MGST2: variants seen among roughly 807,000 people sequenced by gnomAD.
The protein encoded by MGST2 is glutathione peroxidase MGST2.
MGST2 carries 9 observed loss-of-function variants against 16.6 expected under a neutral mutation model. The ratio of observed to expected loss-of-function variants is 0.54; its 90% CI spans 0.33 to 0.95. MGST2 has a LOEUF of 0.95. Among genes scored for constraint, MGST2 ranks in the 40% least tolerant of loss-of-function variants. The pLI is 0.03. For synonymous variants in MGST2, 79 were observed against 68.0 expected (o/e 1.16, Z -0.79); for missense variants, 159 against 175.1 (o/e 0.91, Z 0.52).
chr4:139,694,304 T>C (rs1164454707), intron 2 of MGST2, among the ~76,000 whole-genome samples: 1 of 152,028 alleles, frequency 6.6e-6, no homozygotes, highest in African/African-American at 2.4e-5. Context: ...ATATTAAGTA[T>C]TTAAGCTTTG....
chr4:139,718,413 G>C (rs987833147), intron 5 of MGST2: 2 of 152,386 alleles, frequency 1.3e-5, no homozygotes, highest in Non-Finnish European at 2.9e-5. Context: ...GAGGCAAGGA[G>C]GAATAAAGGC....
At chr4:139,705,778 C>T (rs1360739534), downstream of MGST2, 1 of 152,196 alleles carries the variant, frequency 6.6e-6, no homozygotes, top group African/African-American at 2.4e-5. Context: ...GCTGCATGCC[C>T]TGTGTCATGT....
intron 1 of MGST2, among the ~76,000 whole-genome samples, chr4:139,669,248 GGA>G (rs940167688): frequency 5.9e-5 from 9 of 152,024 alleles, no homozygotes; most frequent in African/African-American, 1.7e-4. Context: ...GGTTTACAAA[GGA>G]GAGAGAGAGT....
the MGST2 span, among the ~76,000 whole-genome samples, chr4:139,753,711 A>T: frequency 6.6e-6 from 1 of 152,194 alleles, no homozygotes; most frequent in African/African-American, 2.4e-5. Context: ...AGTCAAATAG[A>T]TGTTAAACTA....
chr4:139,710,412 A>C (rs1184089590), intron 5 of MGST2, among the ~76,000 whole-genome samples: 2 of 152,248 alleles, frequency 1.3e-5, no homozygotes, highest in Non-Finnish European at 1.5e-5. Flanking sequence ...TGAAAAGAGA[A>C]AGGTATTCCA....
At chr4:139,750,369 C>T in the MGST2 span, among the ~76,000 whole-genome samples, 17 of 152,278 alleles carry the variant, frequency 1.1e-4, no homozygotes, top group Admixed American at 7.8e-4. Flanking sequence ...GCCTCCTAGG[C>T]GGTGGGTCGT....
intron 1 of MGST2, among the ~76,000 whole-genome samples, chr4:139,671,264 C>T (rs1730679153): frequency 6.6e-6 from 1 of 152,062 alleles, no homozygotes; most frequent in South Asian, 2.1e-4. Context: ...TGGGTCTGTT[C>T]AGTTGTTTGG....
intron 5 of MGST2, among the ~76,000 whole-genome samples, chr4:139,728,397 A>C (rs903546844): frequency 2.6e-5 from 4 of 152,202 alleles, no homozygotes; most frequent in Non-Finnish European, 5.9e-5. Context: ...AGGCCCCCAC[A>C]TACATGTGTG....
the MGST2 span, among the ~76,000 whole-genome samples, chr4:139,750,203 C>T: frequency 1.3e-5 from 2 of 152,254 alleles, no homozygotes; most frequent in Admixed American, 1.3e-4. Context: ...GGTTCAGATC[C>T]CCTGGGTGCC....
At chr4:139,687,164 T>G (rs1486577188) in intron 2 of MGST2, among the ~76,000 whole-genome samples, 2 of 152,214 alleles carry the variant, frequency 1.3e-5, no homozygotes, top group African/African-American at 4.8e-5. Flanking sequence ...CAGAGAGTAG[T>G]TAAAAAATGA....
rs1005810096 is a variant in MGST2 at position 139,715,710 on chromosome 4, A to C, written c.*48+11514A>C. ...TCCTGACCTTGCCATGGCATTTGTA[A>C]ACTGTCATGGCACTGGTGGGAGTGT... is the stretch of plus-strand genomic sequence containing the variant. On this transcript the variant is annotated intron_variant, in intron 5 of 5. Transcript: ENST00000616265. This position sits in a 1 kb window ranked among gnomAD's most constrained non-coding sequence, Gnocchi z 4.4. Among the ~76,000 whole-genome samples the C allele has an allele frequency of 1.3e-5, 2 of 152,120 alleles. No individual in the cohort carries two copies. The highest frequency in any genetic ancestry group is 2.9e-5 in the Non-Finnish European group (2 of 67,980).
chr4:139,711,802 C>A (rs766845575), intron 5 of MGST2, among the ~76,000 whole-genome samples: 3 of 152,150 alleles, frequency 2.0e-5, no homozygotes, highest in Non-Finnish European at 4.4e-5. Flanking sequence ...GACATTTCCC[C>A]CCTTTCTTTT....
chr4:139,681,626 T>C (rs1378797523), intron 2 of MGST2, among the ~76,000 whole-genome samples: 1 of 152,212 alleles, frequency 6.6e-6, no homozygotes, highest in Non-Finnish European at 1.5e-5. Context: ...ATTGATGTAG[T>C]TTATTCTCTT....
rs539960898 is a variant in MGST2, at chr4:139,716,494, T to A, written c.*48+12298T>A. 3.5e-4 allele frequency among the ~76,000 whole-genome samples: 53 copies of A among 152,372 alleles called. No individual in the cohort carries two copies. The South Asian group carries it at 0.011, about 31-fold the overall frequency. ...CTGAATCTACAAATGGATTGCACTA[T>A]GTTCCATGCAAAGTTGACTTTCCTC... On this transcript the variant is annotated intron_variant, in intron 5 of 5. Transcript: ENST00000616265.
chr4:139,734,179 A>C (rs1579373894), intron 5 of MGST2, among the ~76,000 whole-genome samples: 1 of 152,294 alleles, frequency 6.6e-6, no homozygotes, highest in Admixed American at 6.5e-5. Context: ...AACATAATAC[A>C]TGGCTTCTTT....
chr4:139,683,380 A>G (rs900500397), intron 2 of MGST2, among the ~76,000 whole-genome samples: 3 of 152,190 alleles, frequency 2.0e-5, no homozygotes, highest in African/African-American at 7.2e-5. Flanking sequence ...TGGCCTTGCG[A>G]TGATCTGAGA....
At chr4:139,694,874 T>G (rs1033530551) in intron 2 of MGST2, among the ~76,000 whole-genome samples, 1 of 152,256 alleles carries the variant, frequency 6.6e-6, no homozygotes, top group Non-Finnish European at 1.5e-5. Context: ...ATCTCTTGAA[T>G]ATGAATTGAG....
At chr4:139,714,692 CCT>C (rs1265128753) in intron 5 of MGST2, among the ~76,000 whole-genome samples, 3 of 152,098 alleles carry the variant, frequency 2.0e-5, no homozygotes, top group South Asian at 4.1e-4. Flanking sequence ...AGATGGTCGC[CCT>C]GAGTAATAGA....
exon 6 of MGST2, chr4:139,740,721 T>G (rs957903740): frequency 1.3e-5 from 2 of 152,220 alleles, no homozygotes; most frequent in African/African-American, 2.4e-5. Flanking sequence ...CGCTGCCAAA[T>G]GGAGCTCTCT....
Sources: allele counts gnomAD v4.1 joint callset (sites outside exome capture counted in the v4.1 genomes callset), GRCh38; gene constraint gnomAD v4.1.1; non-coding constraint Gnocchi (gnomAD v3.1); transcripts MANE v1.5; gene names NCBI Gene and HGNC (gene_info 2026-07-23, HGNC 2026-07-21).